Variants in COL6A1 observed in about 807,000 individuals in gnomAD.
COL6A1 encodes collagen alpha-1(VI) chain.
COL6A1 carries 80 observed loss-of-function variants against 145.6 expected under a neutral mutation model. The observed-to-expected ratio is 0.55, with a 90% CI of 0.46 to 0.66. The LOEUF is 0.66. Ranked by LOEUF, COL6A1 falls within the 30% of genes least tolerant of loss-of-function variation. COL6A1 has a pLI of 0.00. For missense variants in COL6A1, 1,364 were observed against 1,473.8 expected, an observed-to-expected ratio of 0.93 and a Z score of 1.22; for synonymous variants, 638 against 622.8, an observed-to-expected ratio of 1.02 and a Z score of -0.36.
intron 8 of COL6A1, among the ~76,000 whole-genome samples, chr21:45,988,824 G>A (rs1207765230): frequency 1.3e-5 from 2 of 152,128 alleles, no homozygotes; most frequent in South Asian, 2.1e-4. Flanking sequence ...ACCCTGGGGG[G>A]CTTCTGTGCT....
At chr21:45,991,128 G>C in intron 15 of COL6A1, 87 bp downstream of exon 15, 1 of 1,449,668 alleles carries the variant, frequency 6.9e-7, no homozygotes, top group Non-Finnish European at 9.6e-7. Context: ...GCAAGTCCTG[G>C]TCCGAGCATG....
chr21:45,989,949 C>T (rs989799323), intron 11 of COL6A1, among the ~76,000 whole-genome samples, 171 bp downstream of exon 11: 2 of 152,174 alleles, frequency 1.3e-5, no homozygotes, highest in East Asian at 3.9e-4. Flanking sequence ...GGACAGCCAC[C>T]CAGGCACCCA....
At chr21:46,001,880 G>T in intron 30 of COL6A1, 81 bp from the exon 31 acceptor site, 1 of 1,280,634 alleles carries the variant, frequency 7.8e-7, no homozygotes. Context: ...CTGGGCACCC[G>T]CAGCCAATAG....
intron 18 of COL6A1, 56 bp downstream of exon 18, chr21:45,992,454 G>A: frequency 6.3e-7 from 1 of 1,588,604 alleles, no homozygotes; most frequent in Non-Finnish European, 8.6e-7. Flanking sequence ...CTGTGGACGT[G>A]GCCTCTGCGG....
chr21:45,998,517 C>T (rs1333591419), intron 24 of COL6A1, 84 bp downstream of exon 24: 1 of 1,576,830 alleles, frequency 6.3e-7, no homozygotes, highest in African/African-American at 1.3e-5. Flanking sequence ...CACACATGTG[C>T]ACACAGGCTC....
chr21:46,000,645 CG>C, intron 28 of COL6A1, 113 bp from the exon 29 acceptor site: 1 of 1,229,432 alleles, frequency 8.1e-7, no homozygotes, highest in Non-Finnish European at 1.1e-6. Context: ...GGGGGGAGGC[CG>C]GGGAAGGAGG....
chr21:45,981,927 C>A lies in COL6A1; in HGVS notation c.77C>A (p.Pro26Gln). ...WTAAQDEPET[P>Q]RAVAFQDCPV... ...GCCGCGCAGGATGAGCCGGAGACCC[C>A]GAGGGCCGTGGCCTTCCAGGGTGAG... Residue 26 changes from proline to glutamine, a missense_variant, in exon 1 of 35, where the codon CCG (proline) becomes CAG (glutamine). Coordinates refer to ENST00000361866, the MANE Select transcript of COL6A1 (RefSeq NM_001848.3). 6.2e-7 allele frequency: 1 copy of A among 1,607,490 alleles called. No homozygotes were observed. Among genetic ancestry groups the A allele is most frequent in the East Asian group, 2.2e-5 (1 of 44,564 alleles).
chr21:45,999,979 A>AAGACGTGAGGATCATGG (rs2077832463), intron 27 of COL6A1, among the ~76,000 whole-genome samples: 2 of 1,140 alleles, frequency 1.8e-3, no homozygotes, highest in Non-Finnish European at 3.6e-3. Flanking sequence ...AGGATCATGG[A>AAGACGTGAGGATCATGG]GGGGGACATG....
chr21:45,992,186 C>A lies in COL6A1; in HGVS notation c.1205C>A (p.Pro402His). ...GDEGQPGEPGPPGEKGEAGDE... is the reference protein window; with the variant it reads ...GDEGQPGEPGHPGEKGEAGDE... ...CAGGGCCAGCCGGGAGAGCCTGGGC[C>A]CCCCGGAGAGAAAGGAGAGGCGGGC... The change falls in exon 17 of 35, where the codon CCC becomes CAC. Residue 402 changes from proline to histidine, a missense_variant. Coordinates refer to ENST00000361866, the MANE Select transcript of COL6A1 (RefSeq NM_001848.3). 6.2e-7 allele frequency: 1 copy of A among 1,613,764 alleles called. No individual in the cohort carries two copies.
chr21:45,997,579 A>T, intron 21 of COL6A1, 96 bp downstream of exon 21: 1 of 1,532,966 alleles, frequency 6.5e-7, no homozygotes, highest in Non-Finnish European at 9.0e-7. Context: ...CCCTCTGAGG[A>T]CTCTATGGCC....
In COL6A1 at chr21:45,981,797, G is replaced by C; in HGVS notation, c.-54G>C. 1 of 1,387,988 alleles carries C rather than the reference G, an allele frequency of 7.2e-7. No individual in the cohort carries two copies. Among genetic ancestry groups the C allele is most frequent in the Non-Finnish European group, 9.8e-7 (1 of 1,015,914 alleles). The allele number at this position is 1,387,988 out of a possible 1,614,324, so 86.0% of individuals were successfully genotyped here. ...AAGGCAGCCTCGGTCTCTGGGCGGC[G>C]GCGGCGGCCCACTCTGCCCTGGCCG... On this transcript the variant is annotated 5_prime_UTR_variant, in exon 1 of 35. Coordinates refer to ENST00000361866, the MANE Select transcript of COL6A1 (RefSeq NM_001848.3).
chr21:46,001,134 G>A (rs1203302410), intron 29 of COL6A1, 119 bp from the exon 30 acceptor site: 17 of 1,400,162 alleles, frequency 1.2e-5, no homozygotes, highest in Non-Finnish European at 1.7e-5. Flanking sequence ...CTGAGACGGG[G>A]GGACCCCAAC....
chr21:45,998,083 G>C (rs1334476989), intron 22 of COL6A1, 38 bp from the exon 23 acceptor site: 2 of 1,609,670 alleles, frequency 1.2e-6, no homozygotes, highest in African/African-American at 2.7e-5. Flanking sequence ...TCCCAGGCCA[G>C]GCCGATTCGC....
At chr21:46,000,159 AG>A (rs1256958585) in intron 27 of COL6A1, among the ~76,000 whole-genome samples, 171 bp from the exon 28 acceptor site, 1 of 151,354 alleles carries the variant, frequency 6.6e-6, no homozygotes, top group East Asian at 2.0e-4. Context: ...TCAGGGGTCC[AG>A]CCCAGTAGCA....
chr21:46,001,991 G>A lies in COL6A1; in HGVS notation c.1987G>A (p.Val663Met). ...FEPGQSYAGVVQYSHSQMQEH... is the reference protein window; with the variant it reads ...FEPGQSYAGVMQYSHSQMQEH... ...GCCAGGGCAGTCGTACGCGGGTGTG[G>A]TGCAGTACAGCCACAGCCAGATGCA... Residue 663 changes from valine (V) to methionine (M), a missense_variant, in exon 31 of 35, where the codon GTG becomes ATG. This residue lies in a region of COL6A1 where 938 missense variants were observed against 1,003.8 expected (regional missense o/e 0.93). Coordinates refer to ENST00000361866, the MANE Select transcript of COL6A1 (RefSeq NM_001848.3). 1 of 1,612,652 alleles carries A rather than the reference G, an allele frequency of 6.2e-7. No individual in the cohort carries two copies. The highest frequency in any genetic ancestry group is 1.7e-5 in the Admixed American group (1 of 60,020).
chr21:45,999,099 G>A (rs1827176943), intron 25 of COL6A1, 54 bp from the exon 26 acceptor site: 7 of 1,552,056 alleles, frequency 4.5e-6, no homozygotes, highest in Non-Finnish European at 6.1e-6. Flanking sequence ...CGGGGCCAGC[G>A]CGCAGATGCC....
At position 45,999,184 on chromosome 21, in the gene COL6A1, G is replaced by T; in HGVS notation, c.1706G>T (p.Gly569Val). 1 of 1,603,152 alleles carries T rather than the reference G, an allele frequency of 6.2e-7. No individual in the cohort carries two copies. Among genetic ancestry groups the T allele is most frequent in the East Asian group, 2.2e-5 (1 of 44,506 alleles). The change falls in exon 26 of 35, where the codon GGA becomes GTA. Residue 569 changes from glycine (G) to valine (V), a missense_variant. Gly to Val is a moderately radical substitution (Grantham distance 109). Transcript: ENST00000361866. ...NNDIAPRGVK[G>V]AKGYRGPEGP... ...GACATTGCACCCCGAGGAGTCAAAGGAGCAAAGGGGTACCGGGGTCCCGAG... is the reference window on the plus strand; with the variant it reads ...GACATTGCACCCCGAGGAGTCAAAGTAGCAAAGGGGTACCGGGGTCCCGAG...
rs1280630807 is a variant in COL6A1 at position 46,004,256 on chromosome 21, C to T, written c.*243C>T. 1 of 589,070 alleles carries T rather than the reference C, an allele frequency of 1.7e-6. No homozygotes were observed. Among genetic ancestry groups the T allele is most frequent in the Admixed American group, 3.1e-5 (1 of 31,996 alleles). The allele number at this position is 589,070 out of a possible 1,614,324, so 36.5% of individuals were successfully genotyped here. A position where few individuals can be genotyped will look rare whatever the true frequency, so the allele number is the denominator to read the frequency against. ...GGGCTCAGCCCTGAGCTAGTGTCAC[C>T]TGCACAGGGCCCTCTGAGGCTCAGC... On this transcript the variant is annotated 3_prime_UTR_variant, in exon 35 of 35. Transcript: ENST00000361866.
At chr21:45,989,191 CTA>C in intron 9 of COL6A1, 54 bp downstream of exon 9, 1 of 1,550,286 alleles carries the variant, frequency 6.5e-7, no homozygotes, top group East Asian at 2.3e-5. Context: ...CGGGGAACGA[CTA>C]GGCCTCGGAA....
Sources: allele counts gnomAD v4.1 joint callset (sites outside exome capture counted in the v4.1 genomes callset), GRCh38; gene constraint gnomAD v4.1.1; regional missense constraint gnomAD v4.1.1; transcripts MANE v1.5; gene names NCBI Gene and HGNC (gene_info 2026-07-23, HGNC 2026-07-21).